TELO2: variants seen among roughly 807,000 people sequenced by gnomAD.
TELO2 encodes telomere maintenance 2.
A neutral mutation model predicts 91.0 loss-of-function variants in TELO2; 71 were observed. That is an observed-to-expected ratio of 0.78 (90% confidence interval 0.64 to 0.95). The LOEUF is 0.95. Ranked by LOEUF, TELO2 falls within the 40% of genes least tolerant of loss-of-function variation. The pLI is 0.00. For synonymous variants in TELO2, 584 were observed against 518.9 expected (o/e 1.13, Z -1.71); for missense variants, 1,183 against 1,141.3 (o/e 1.04, Z -0.53).
At chr16:1,508,864 G>A (rs1205794056) in intron 20 of TELO2, among the ~76,000 whole-genome samples, 5 of 152,290 alleles carry the variant, frequency 3.3e-5, no homozygotes, top group African/African-American at 1.2e-4. Flanking sequence ...GGCCGTGAAT[G>A]TCTTCCCACG....
Position 1,505,496 on chromosome 16 carries a change from G to T in TELO2, c.1929G>T (p.Pro643=). Residue 643 remains proline (P), a synonymous_variant, in exon 16 of 21, where the codon CCG becomes CCT. Coordinates refer to ENST00000262319, the MANE Select transcript of TELO2 (RefSeq NM_016111.4). The surrounding 1 kb of genome is among the most constrained non-coding windows in gnomAD (Gnocchi z 4.3). ...CTGGCTCCCCAAGTCCCAACACCCC[G>T]TGCCTGCCAGAGGCAGCCGTCTCTC... ...PQPGSPSPNT[P]CLPEAAVSQP... 6.2e-7 allele frequency: 1 copy of T among 1,613,108 alleles called. No individual in the cohort carries two copies. The highest frequency in any genetic ancestry group is 8.5e-7 in the Non-Finnish European group (1 of 1,180,000).
In TELO2 at chr16:1,505,380, G is replaced by A; in HGVS notation, c.1843-30G>A. 6.3e-7 allele frequency: 1 copy of A among 1,591,486 alleles called. No individual in the cohort carries two copies. The highest frequency in any genetic ancestry group is 8.6e-7 in the Non-Finnish European group (1 of 1,164,108). On this transcript the variant is annotated intron_variant, in intron 15 of 20. Transcript: ENST00000262319. The surrounding 1 kb of genome is among the most constrained non-coding windows in gnomAD (Gnocchi z 4.3). ...GGGAAATGTTCTTCCCTGGAGCAGT[G>A]GCGACGGCCCTGGGCCTGTCTCCCT... is the stretch of plus-strand genomic sequence containing the variant.
At chr16:1,509,488 G>A (rs1255648343) in intron 20 of TELO2, among the ~76,000 whole-genome samples, 1 of 152,230 alleles carries the variant, frequency 6.6e-6, no homozygotes, top group Non-Finnish European at 1.5e-5. Flanking sequence ...GGATTCCTAC[G>A]GTCTTCCACC....
At chr16:1,503,230 G>A (rs1043771511) in intron 15 of TELO2, among the ~76,000 whole-genome samples, 1 of 152,200 alleles carries the variant, frequency 6.6e-6, no homozygotes, top group African/African-American at 2.4e-5. Context: ...TAATTCACAC[G>A]CCATAAAATT....
Position 1,507,323 on chromosome 16 carries a change from C to A in TELO2, c.2244C>A (p.Gly748=), listed in dbSNP as rs777154897. The A allele has an allele frequency of 6.2e-7, 1 of 1,610,170 alleles. No homozygotes were observed. The highest frequency in any genetic ancestry group is 2.2e-5 in the East Asian group (1 of 44,866). Residue 748 remains glycine (G), a synonymous_variant, in exon 19 of 21, where the codon GGC becomes GGA. Transcript: ENST00000262319. ...GTGTCCAGGTGGCTGTGGCCATGGG[C>A]AAGGCCCTGCTGGAATTCGTGTGGG... The part of the protein sequence containing the change: ...AVNTTVAVAM[G]KALLEFVWAL...
intron 20 of TELO2, 69 bp from the exon 21 acceptor site, chr16:1,509,761 T>C (rs1477688144): frequency 4.6e-5 from 67 of 1,447,450 alleles, no homozygotes; most frequent in Admixed American, 5.8e-5. Flanking sequence ...TCAGGCAGAC[T>C]GAAGACAGGA....
At chr16:1,506,392 G>T in intron 17 of TELO2, 63 bp downstream of exon 17, 1 of 1,611,992 alleles carries the variant, frequency 6.2e-7, no homozygotes, top group East Asian at 2.2e-5. Context: ...TACCACTGTG[G>T]CCAAGAAGTT....
At position 1,501,646 on chromosome 16, in the gene TELO2, T is replaced by TCCTTGTTTCCTTAAAGCACGTC; in HGVS notation, c.1362-13_1370dup. ...CGAGGGGCCCCTAAAGGATTTTTGT[T>TCCTTGTTTCCTTAAAGCACGTC]CCTTGTTTCCTTAAAGCACGTCCCT... On this transcript the variant is annotated splice_polypyrimidine_tract_variant and intron_variant, in intron 10 of 20. Transcript: ENST00000262319. 6.3e-7 allele frequency: 1 copy of TCCTTGTTTCCTTAAAGCACGTC among 1,598,548 alleles called. No homozygotes were observed. Among genetic ancestry groups the TCCTTGTTTCCTTAAAGCACGTC allele is most frequent in the Middle Eastern group, 1.7e-4 (1 of 5,978 alleles).
In TELO2 at chr16:1,505,340, G is replaced by C; in HGVS notation, c.1843-70G>C. On this transcript the variant is annotated intron_variant, in intron 15 of 20. Transcript: ENST00000262319. The surrounding 1 kb of genome is among the most constrained non-coding windows in gnomAD (Gnocchi z 4.3). ...CCCCGGGCCCGTTTCTGGGGCTTTGGCTGACTTGACTCTTGGGAAATGTTC... is the reference window on the plus strand; with the variant it reads ...CCCCGGGCCCGTTTCTGGGGCTTTGCCTGACTTGACTCTTGGGAAATGTTC... 2.6e-6 allele frequency: 4 copies of C among 1,533,814 alleles called. No individual in the cohort carries two copies. Among genetic ancestry groups the C allele is most frequent in the Non-Finnish European group, 3.5e-6 (4 of 1,136,908 alleles).
Position 1,497,008 on chromosome 16 carries a change from C to T in TELO2, c.614-28C>T, listed in dbSNP as rs752676815. 1 of 1,612,038 alleles carries T rather than the reference C, an allele frequency of 6.2e-7. No individual in the cohort carries two copies. Among genetic ancestry groups the T allele is most frequent in the African/African-American group, 1.3e-5 (1 of 74,972 alleles). Reference sequence around the variant, plus strand: ...TTCTTTTGTGCCTTCCCGCCGGCTTCCTCATCAGGCCTCCCTTTCTGTCCC... The same window carrying T: ...TTCTTTTGTGCCTTCCCGCCGGCTTTCTCATCAGGCCTCCCTTTCTGTCCC... On this transcript the variant is annotated intron_variant, in intron 3 of 20. Coordinates refer to ENST00000262319, the MANE Select transcript of TELO2 (RefSeq NM_016111.4). This position sits in a 1 kb window ranked among gnomAD's most constrained non-coding sequence, Gnocchi z 4.0.
Position 1,494,064 on chromosome 16 carries a change from G to A in TELO2, c.-36-182G>A, listed in dbSNP as rs2039393672. The stretch of plus-strand genomic sequence containing the variant: ...CCCTGCAGTGGCTGGTAGCGTTGGG[G>A]TCCGAGCGGAGGAGCGAACTCTGGG... On this transcript the variant is annotated intron_variant, in intron 1 of 20. Coordinates refer to ENST00000262319, the MANE Select transcript of TELO2 (RefSeq NM_016111.4). This position sits in a 1 kb window ranked among gnomAD's most constrained non-coding sequence, Gnocchi z 5.6. 6.6e-6 allele frequency among the ~76,000 whole-genome samples: 1 copy of A among 152,162 alleles called. No homozygotes were observed. Among genetic ancestry groups the A allele is most frequent in the African/African-American group, 2.4e-5 (1 of 41,444 alleles).
At chr16:1,495,996 G>A (rs1473811044) in intron 3 of TELO2, among the ~76,000 whole-genome samples, 2 of 152,216 alleles carry the variant, frequency 1.3e-5, no homozygotes, top group East Asian at 1.9e-4. Flanking sequence ...CCCCGTGAGC[G>A]CCCATGCTCG....
Position 1,494,519 on chromosome 16 carries a change from C to A in TELO2, c.238C>A (p.His80Asn), listed in dbSNP as rs199863486. 1.9e-4 allele frequency: 313 copies of A among 1,613,338 alleles called. No individual in the cohort carries two copies. In the East Asian group the frequency reaches 4.7e-3, roughly 24 times the overall value. The change falls in exon 2 of 21, where the codon CAT (histidine) becomes AAT (asparagine). Residue 80 changes from histidine (H) to asparagine (N), a missense_variant. Transcript: ENST00000262319. This position sits in a 1 kb window ranked among gnomAD's most constrained non-coding sequence, Gnocchi z 5.6. The stretch of plus-strand genomic sequence containing the variant: ...CCCAGCCTGGCTGGAGCTGCTGCCC[C>A]ATGGCCGCCTGGAGGAGCTGTGGGC... ...LSPAWLELLP[H>N]GRLEELWASF...
Position 1,506,989 on chromosome 16 carries a change from C to T in TELO2, c.2164C>T (p.Leu722=), listed in dbSNP as rs372208642. 7.7e-5 allele frequency: 124 copies of T among 1,612,120 alleles called. No homozygotes were observed. The highest frequency in any genetic ancestry group is 1.0e-4 in the Non-Finnish European group (122 of 1,179,280). ...VTFDLLGEDQ[L]VLGRLAHTLG... is the part of the protein sequence containing the mutation. ...CTTCGACCTCTTGGGAGAAGACCAG[C>T]TGGTTCTCGGAAGGCTGGCGCACAC... Residue 722 remains leucine (L), a synonymous_variant, in exon 18 of 21, where the codon CTG becomes TTG. Coordinates refer to ENST00000262319, the MANE Select transcript of TELO2 (RefSeq NM_016111.4).
Position 1,500,189 on chromosome 16 carries a change from C to G in TELO2, c.1002+25C>G, listed in dbSNP as rs200871808. ...GGTACGTGCCTCCTGGCTCTCCGTC[C>G]CTGCGAGGCCCTGGGAGAAGAGCCG... On this transcript the variant is annotated intron_variant, in intron 7 of 20. Transcript: ENST00000262319. 11 of 1,583,934 alleles carry G rather than the reference C, an allele frequency of 6.9e-6. No homozygotes were observed. In the Admixed American group the frequency reaches 1.0e-4, roughly 15 times the overall value.
chr16:1,494,163 T>C lies in TELO2; in HGVS notation c.-36-83T>C. 1.1e-6 allele frequency: 1 copy of C among 921,728 alleles called. No individual in the cohort carries two copies. The highest frequency in any genetic ancestry group is 1.6e-6 in the Non-Finnish European group (1 of 611,796). 57.1% of individuals were successfully genotyped at this position (921,728 alleles called of 1,614,324 possible). On this transcript the variant is annotated intron_variant, in intron 1 of 20. Coordinates refer to ENST00000262319, the MANE Select transcript of TELO2 (RefSeq NM_016111.4). This position sits in a 1 kb window ranked among gnomAD's most constrained non-coding sequence, Gnocchi z 5.6. ...GGGACCAGGGTTGAGGGGTGTGGGG[T>C]CTCGGGGCGCTCACCGAGGGGCTTC... is the stretch of plus-strand genomic sequence containing the variant.
At position 1,505,058 on chromosome 16, in the gene TELO2, G is replaced by A. The variant is rs1185105719; in HGVS notation, c.1843-352G>A. On this transcript the variant is annotated intron_variant, in intron 15 of 20. Coordinates refer to ENST00000262319, the MANE Select transcript of TELO2 (RefSeq NM_016111.4). This position sits in a 1 kb window ranked among gnomAD's most constrained non-coding sequence, Gnocchi z 4.3. ...CTCTGCAATGTTCTGAGGTCCCCCC[G>A]CCCGTGGCACGTGCCGCTGCAGCGT... is the stretch of plus-strand genomic sequence containing the variant. 2.6e-5 allele frequency: 6 copies of A among 229,746 alleles called. No homozygotes were observed. The South Asian group carries it at 2.8e-4, about 11-fold the overall frequency. The allele number at this position is 229,746 out of a possible 1,614,324, so 14.2% of individuals were successfully genotyped here.
At position 1,499,275 on chromosome 16, in the gene TELO2, A is replaced by G; in HGVS notation, c.875A>G (p.Asn292Ser). The change falls in exon 6 of 21, where the codon AAC becomes AGC. Residue 292 changes from asparagine to serine, a missense_variant. By Grantham distance (46) the Asn-to-Ser change is conservative. Transcript: ENST00000262319. The stretch of plus-strand genomic sequence containing the variant: ...CTGCTGGGGAACCTGGTGGTGAAGA[A>G]CAAGAAGGCCCAGTTTGTGATGACC... The part of the protein sequence containing the change: ...SRLLGNLVVK[N>S]KKAQFVMTQK... The G allele has an allele frequency of 6.2e-7, 1 of 1,614,024 alleles. No homozygotes were observed. Among genetic ancestry groups the G allele is most frequent in the Non-Finnish European group, 8.5e-7 (1 of 1,180,000 alleles).
intron 12 of TELO2, 53 bp downstream of exon 12, chr16:1,502,188 C>T (rs1005317608): frequency 1.2e-6 from 2 of 1,604,186 alleles, no homozygotes; most frequent in Admixed American, 3.4e-5. Context: ...GTCCCGCTCA[C>T]AGCCTGGTTC....
Sources: allele counts gnomAD v4.1 joint callset (sites outside exome capture counted in the v4.1 genomes callset), GRCh38; gene constraint gnomAD v4.1.1; non-coding constraint Gnocchi (gnomAD v3.1); transcripts MANE v1.5; gene names NCBI Gene and HGNC (gene_info 2026-07-23, HGNC 2026-07-21).